Variants in GPR149 observed in about 807,000 individuals in gnomAD.
GPR149 encodes probable G protein-coupled receptor 149.
In GPR149, 50 loss-of-function variants were observed where a neutral mutation model predicts 50.2. That is an observed-to-expected ratio of 1.00 (90% CI 0.79 to 1.26). The LOEUF is 1.26. Ranked by LOEUF, GPR149 falls within the 50% of genes most tolerant of loss-of-function variation. The probability of loss-of-function intolerance (pLI) is 0.00; values close to 1 mark genes in which losing one functional copy is unlikely to be tolerated. For missense variants in GPR149, 983 were observed against 895.4 expected, an observed-to-expected ratio of 1.10 and a Z score of -1.25; for synonymous variants, 405 against 358.2, an observed-to-expected ratio of 1.13 and a Z score of -1.48.
intron 3 of GPR149, among the ~76,000 whole-genome samples, chr3:154,376,905 T>C (rs1714804476): frequency 6.6e-6 from 1 of 151,904 alleles, no homozygotes. Context: ...AAGATAACAA[T>C]AATGACCACT....
chr3:154,402,311 C>T (rs1373325208), intron 3 of GPR149, among the ~76,000 whole-genome samples: 4 of 151,728 alleles, frequency 2.6e-5, no homozygotes, highest in East Asian at 1.9e-4. Flanking sequence ...TCAATACTTA[C>T]GAGGCTAAGG....
Position 154,343,643 on chromosome 3 carries a change from G to A in GPR149, c.1624-5372C>T, listed in dbSNP as rs114750840. Among the ~76,000 whole-genome samples, 1,080 of 152,200 alleles carry A rather than the reference G, an allele frequency of 7.1e-3. 12 individuals carry two copies. Among genetic ancestry groups the A allele is most frequent in the African/African-American group, 0.025 (1,043 of 41,510 alleles). On this transcript the variant is annotated intron_variant, in intron 3 of 3. Coordinates refer to ENST00000389740, the MANE Select transcript of GPR149 (RefSeq NM_001038705.3). ...TTGACTAGAATGAGAGTCTCAACTG[G>A]GGTATAGCTAATTTCCCATTCACAT...
intron 2 of GPR149, among the ~76,000 whole-genome samples, chr3:154,423,190 C>A (rs1173293531): frequency 6.6e-6 from 1 of 151,790 alleles, no homozygotes; most frequent in Non-Finnish European, 1.5e-5. Flanking sequence ...TATCAAGAGA[C>A]CATGATGTGA....
intron 3 of GPR149, among the ~76,000 whole-genome samples, chr3:154,346,951 A>T (rs789296): frequency 1.3e-4 from 20 of 151,896 alleles, no homozygotes; most frequent in African/African-American, 4.6e-4. Flanking sequence ...GATTTTTAGG[A>T]TTGATATCCA....
chr3:154,352,408 A>G, intron 3 of GPR149: 1 of 967,862 alleles, frequency 1.0e-6, no homozygotes, highest in Non-Finnish European at 1.7e-6. Flanking sequence ...GAATCGTGCC[A>G]CACTGCCTGT....
At chr3:154,372,045 G>A (rs938067179) in intron 3 of GPR149, among the ~76,000 whole-genome samples, 4 of 151,650 alleles carry the variant, frequency 2.6e-5, no homozygotes, top group Non-Finnish European at 5.9e-5. Flanking sequence ...CACCACAACT[G>A]CAGGGCCCCT....
intron 3 of GPR149, among the ~76,000 whole-genome samples, chr3:154,410,308 TAAC>T: frequency 6.6e-6 from 1 of 152,048 alleles, no homozygotes; most frequent in African/African-American, 2.4e-5. Context: ...AGGACCTATA[TAAC>T]AATAACAATG....
rs749204115 is a variant in GPR149, at chr3:154,429,372, C to T, written c.244G>A (p.Val82Ile). The T allele has an allele frequency of 8.1e-6, 13 of 1,614,046 alleles. No individual in the cohort carries two copies. The highest frequency in any genetic ancestry group is 1.3e-5 in the African/African-American group (1 of 74,916). Reference protein sequence around the residue: ...ASWSVDDLMSVLSVTIFMFLQ... With the variant: ...ASWSVDDLMSILSVTIFMFLQ... Reference sequence around the variant, plus strand: ...AACATGAAGATGGTCACCGACAGGACGCTCATGAGATCATCCACAGACCAG... The same window carrying T: ...AACATGAAGATGGTCACCGACAGGATGCTCATGAGATCATCCACAGACCAG... Residue 82 changes from valine to isoleucine, a missense_variant, in exon 1 of 4, where the codon GTC becomes ATC. Val to Ile is a conservative substitution (Grantham distance 29). Transcript: ENST00000389740.
rs762833127 is a variant in GPR149 at position 154,338,117 on chromosome 3, C to T, written c.1778G>A (p.Arg593Gln). 16 of 1,613,950 alleles carry T rather than the reference C, an allele frequency of 9.9e-6. No individual in the cohort carries two copies. The highest frequency in any genetic ancestry group is 2.2e-5 in the East Asian group (1 of 44,892). Residue 593 changes from arginine (R) to glutamine (Q), a missense_variant, in exon 4 of 4, where the codon CGA becomes CAA. Physicochemically the swap from Arg to Gln is conservative, Grantham distance 43 (BLOSUM62 1). Coordinates refer to ENST00000389740, the MANE Select transcript of GPR149 (RefSeq NM_001038705.3). ...TGGTTCATGGCCAACACTTTTGGAT[C>T]GATAGACTTCTATTTTCTTAGAGGC... ...TPASKKIEVY[R>Q]SKSVGHEPNS...
At chr3:154,358,788 G>A (rs879482597) in intron 3 of GPR149, among the ~76,000 whole-genome samples, 11 of 152,062 alleles carry the variant, frequency 7.2e-5, no homozygotes, top group Admixed American at 2.0e-4. Flanking sequence ...TATTAAGCTC[G>A]AATACAGGTA....
At chr3:154,372,838 C>G (rs1714696028) in intron 3 of GPR149, among the ~76,000 whole-genome samples, 1 of 152,048 alleles carries the variant, frequency 6.6e-6, no homozygotes, top group Non-Finnish European at 1.5e-5. Context: ...GCTTGGGCAA[C>G]TGAATGATGA....
intron 2 of GPR149, 62 bp downstream of exon 2, chr3:154,427,454 C>A: frequency 1.4e-6 from 2 of 1,467,586 alleles, no homozygotes; most frequent in Admixed American, 2.1e-5. Flanking sequence ...TGTTAATAGA[C>A]CACTTTTCTG....
intron 3 of GPR149, among the ~76,000 whole-genome samples, chr3:154,387,267 G>A (rs997945153): frequency 2.6e-5 from 4 of 152,056 alleles, no homozygotes; most frequent in African/African-American, 4.8e-5. Flanking sequence ...AAAATTACCC[G>A]TGCCTGTAAC....
rs1004760042 is a variant in GPR149 at position 154,337,545 on chromosome 3, A to G, written c.*154T>C. The G allele has an allele frequency of 1.4e-5, 8 of 566,528 alleles. No homozygotes were observed. The highest frequency in any genetic ancestry group is 5.6e-5 in the African/African-American group (3 of 53,696). 35.1% of individuals were successfully genotyped at this position (566,528 alleles called of 1,614,324 possible). On this transcript the variant is annotated 3_prime_UTR_variant, in exon 4 of 4. Transcript: ENST00000389740. ...ACATCAAATGCACTTAAGTGTTTAC[A>G]CTAGTTCCAGTTGTTCCCACAAAAA...
chr3:154,377,951 C>G (rs1425625119), intron 3 of GPR149, among the ~76,000 whole-genome samples: 1 of 152,034 alleles, frequency 6.6e-6, no homozygotes, highest in Non-Finnish European at 1.5e-5. Context: ...AGAAATCACA[C>G]AATATGTAGT....
At chr3:154,375,661 T>C (rs1333602362) in intron 3 of GPR149, among the ~76,000 whole-genome samples, 1 of 152,186 alleles carries the variant, frequency 6.6e-6, no homozygotes, top group East Asian at 1.9e-4. Flanking sequence ...AAGTATATCA[T>C]TTTATATGTC....
At chr3:154,394,549 A>C (rs1715247021) in intron 3 of GPR149, among the ~76,000 whole-genome samples, 1 of 152,166 alleles carries the variant, frequency 6.6e-6, no homozygotes, top group African/African-American at 2.4e-5. Context: ...GTGGAAATAC[A>C]TGAAACTAAA....
chr3:154,357,361 A>G (rs1372851597), intron 3 of GPR149, among the ~76,000 whole-genome samples: 2 of 152,098 alleles, frequency 1.3e-5, no homozygotes, highest in African/African-American at 2.4e-5. Flanking sequence ...GAGCTTCTGC[A>G]CAGCAAAAGA....
intron 3 of GPR149, among the ~76,000 whole-genome samples, chr3:154,419,652 G>A (rs890147404): frequency 6.6e-6 from 1 of 152,026 alleles, no homozygotes; most frequent in African/African-American, 2.4e-5. Flanking sequence ...TAATCACGAG[G>A]ATGATATAGG....
Sources: gnomAD v4.1 joint callset for allele counts (sites outside exome capture counted in the v4.1 genomes callset) on GRCh38, gnomAD v4.1.1 for gene constraint, MANE v1.5 for transcripts, NCBI Gene and HGNC (gene_info 2026-07-23, HGNC 2026-07-21) for gene names.